Variants in SGSM3 observed in about 807,000 individuals in gnomAD.
SGSM3 encodes small G protein signaling modulator 3.
Under a neutral mutation model 100.5 loss-of-function variants are expected in SGSM3, and 96 were observed. The ratio of observed to expected loss-of-function variants is 0.96; its 90% confidence interval spans 0.81 to 1.13. The LOEUF (loss-of-function observed/expected upper bound fraction) is 1.13, where lower values mean the gene tolerates loss of function less well. SGSM3 is among the 50% of genes most tolerant of loss of function. The probability of loss-of-function intolerance (pLI) is 0.00; values close to 1 mark genes in which losing one functional copy is unlikely to be tolerated. For synonymous variants in SGSM3, 483 were observed against 422.8 expected, an observed-to-expected ratio of 1.14 and a Z score of -1.75; for missense variants, 1,001 against 1,015.8, an observed-to-expected ratio of 0.99 and a Z score of 0.20.
At chr22:40,408,557 C>T (rs1193747275) in intron 16 of SGSM3, 70 bp from the exon 17 acceptor site, 2 of 1,593,992 alleles carry the variant, frequency 1.3e-6, no homozygotes, top group Admixed American at 1.7e-5. Flanking sequence ...GACAGGTGCC[C>T]AGTCGGCCCC....
At chr22:40,376,451 G>T (rs1183018256) in intron 1 of SGSM3, 1 of 151,976 alleles carries the variant, frequency 6.6e-6, no homozygotes, top group Non-Finnish European at 1.5e-5. Flanking sequence ...ACTGCACCCG[G>T]CCTGGCTTTA....
intron 8 of SGSM3, 76 bp downstream of exon 8, chr22:40,405,920 C>G (rs2051426411): frequency 6.7e-7 from 1 of 1,494,074 alleles, no homozygotes; most frequent in East Asian, 2.3e-5. Flanking sequence ...GGGGATAGGG[C>G]ACAGCCCCCC....
In SGSM3 at chr22:40,410,262, T is replaced by C. The variant is rs922917238; in HGVS notation, c.*503T>C. 2 of 801,642 alleles carry C rather than the reference T, an allele frequency of 2.5e-6. No homozygotes were observed. The highest frequency in any genetic ancestry group is 5.9e-5 in the South Asian group (1 of 16,886). 49.7% of individuals were successfully genotyped at this position (801,642 alleles called of 1,614,324 possible). On this transcript the variant is annotated 3_prime_UTR_variant, in exon 22 of 22. Coordinates refer to ENST00000248929, the MANE Select transcript of SGSM3 (RefSeq NM_015705.6). Reference sequence around the variant, plus strand: ...CCAGCTGTGCTACCCACCCCTTCCATGGACTGAATAAGATGGACTAACAGG... The same window carrying C: ...CCAGCTGTGCTACCCACCCCTTCCACGGACTGAATAAGATGGACTAACAGG...
chr22:40,378,122 T>G (rs76682125), intron 1 of SGSM3: 2 of 151,420 alleles, frequency 1.3e-5, no homozygotes, highest in East Asian at 1.9e-4. Flanking sequence ...CTGGGAGGAG[T>G]AATATGGGTT....
intron 4 of SGSM3, among the ~76,000 whole-genome samples, chr22:40,402,969 C>T (rs1351496753): frequency 6.6e-6 from 1 of 152,152 alleles, no homozygotes; most frequent in Non-Finnish European, 1.5e-5. Context: ...AGGTCACTCA[C>T]GTTTCCAATT....
intron 1 of SGSM3, among the ~76,000 whole-genome samples, chr22:40,378,846 C>T (rs992189523): frequency 1.1e-4 from 17 of 152,132 alleles, no homozygotes; most frequent in African/African-American, 3.9e-4. Flanking sequence ...CTGCAGACTC[C>T]GAGACCTAGA....
chr22:40,405,027 T>C (rs2051270852), intron 6 of SGSM3, 114 bp from the exon 7 acceptor site: 1 of 1,383,616 alleles, frequency 7.2e-7, no homozygotes, highest in Non-Finnish European at 9.6e-7. Flanking sequence ...AGGGTGACCT[T>C]GATCAGGAAC....
intron 3 of SGSM3, 104 bp from the exon 4 acceptor site, chr22:40,402,035 G>A: frequency 1.2e-6 from 1 of 868,700 alleles, no homozygotes. Flanking sequence ...TGAGCCCGAA[G>A]GCTGGGTGGG....
intron 1 of SGSM3, chr22:40,376,624 A>G (rs767008393): frequency 6.6e-6 from 1 of 152,148 alleles, no homozygotes; most frequent in Admixed American, 6.5e-5. Flanking sequence ...ATTAACTCAC[A>G]ATCCTCACAT....
intron 1 of SGSM3, among the ~76,000 whole-genome samples, chr22:40,393,055 G>T (rs756391503): frequency 6.6e-6 from 1 of 152,182 alleles, no homozygotes; most frequent in African/African-American, 2.4e-5. Flanking sequence ...CATTGTCTGC[G>T]TAAGCTACAT....
Position 40,410,038 on chromosome 22 carries a change from A to AGGGGATGGGGGTGGCTAGTAGGCTCCT in SGSM3, c.*282_*308dup. On this transcript the variant is annotated 3_prime_UTR_variant, in exon 22 of 22. Transcript: ENST00000248929. ...CCATGTCTGTGCTCAGGAAGAGGGA[A>AGGGGATGGGGGTGGCTAGTAGGCTCCT]GGGGATGGGGGTGGCTAGTAGGCTC... 9.9e-6 allele frequency: 13 copies of AGGGGATGGGGGTGGCTAGTAGGCTCCT among 1,310,944 alleles called. No individual in the cohort carries two copies. The highest frequency in any genetic ancestry group is 1.3e-5 in the Non-Finnish European group (13 of 1,033,884). 81.2% of individuals were successfully genotyped at this position (1,310,944 alleles called of 1,614,324 possible).
chr22:40,408,412 T>G lies in SGSM3; in HGVS notation c.1765T>G (p.Trp589Gly). The G allele has an allele frequency of 6.2e-7, 1 of 1,613,472 alleles. No individual in the cohort carries two copies. The highest frequency in any genetic ancestry group is 8.5e-7 in the Non-Finnish European group (1 of 1,179,972). The change falls in exon 16 of 22, where the codon TGG (tryptophan) becomes GGG (glycine). Residue 589 changes from tryptophan to glycine, a missense_variant. Physicochemically the swap from Trp to Gly is radical, Grantham distance 184. Coordinates refer to ENST00000248929, the MANE Select transcript of SGSM3 (RefSeq NM_015705.6). ...CCTGCTTGGGGGCGCCTGCCACCCC[T>G]GGCTGTTTATCGAGGAGGTAAGTCA... ...PSLLGGACHP[W>G]LFIEEAAGRE...
Position 40,410,086 on chromosome 22 carries a change from A to AAAC in SGSM3, c.*328_*330dup, listed in dbSNP as rs2052403202. On this transcript the variant is annotated 3_prime_UTR_variant, in exon 22 of 22. Coordinates refer to ENST00000248929, the MANE Select transcript of SGSM3 (RefSeq NM_015705.6). ...CTCCTGGCCTCTTTGGTTTATAAAT[A>AAAC]AACTGTGTCTGTCTTTGAGAAAGCA... 8.3e-7 allele frequency: 1 copy of AAAC among 1,208,558 alleles called. No individual in the cohort carries two copies. Among genetic ancestry groups the AAAC allele is most frequent in the African/African-American group, 1.6e-5 (1 of 61,912 alleles). 74.9% of individuals were successfully genotyped at this position (1,208,558 alleles called of 1,614,324 possible).
chr22:40,373,788 G>T (rs1368303206), intron 1 of SGSM3, among the ~76,000 whole-genome samples: 1 of 151,506 alleles, frequency 6.6e-6, no homozygotes, highest in Non-Finnish European at 1.5e-5. Flanking sequence ...GCTAATTTTT[G>T]TATTTTTAGT....
chr22:40,386,896 T>G (rs1418843122), intron 1 of SGSM3, among the ~76,000 whole-genome samples: 1 of 152,206 alleles, frequency 6.6e-6, no homozygotes, highest in Non-Finnish European at 1.5e-5. Context: ...ATGAGAATTC[T>G]CTCCTAATTT....
In SGSM3 at chr22:40,407,070, C is replaced by T. The variant is rs145462749; in HGVS notation, c.1239C>T (p.Phe413=). Residue 413 remains phenylalanine, a splice_region_variant and synonymous_variant, in exon 11 of 22, where the codon TTC becomes TTT. Coordinates refer to ENST00000248929, the MANE Select transcript of SGSM3 (RefSeq NM_015705.6). The surrounding 1 kb of genome is among the most constrained non-coding windows in gnomAD (Gnocchi z 4.7). ...AGTCCACCATCACTGCTCTGCTCTT[C>T]GGTGAGAGCTCTGCGAGTGCCAGGC... The part of the protein sequence containing the change: ...RRKSTITALL[F]GEDDLEALKA... The T allele has an allele frequency of 5.6e-5, 89 of 1,595,206 alleles. 1 individual carries two copies. Among genetic ancestry groups the T allele is most frequent in the South Asian group, 2.9e-4 (26 of 88,528 alleles).
At chr22:40,399,548 A>G (rs1381912757) in intron 1 of SGSM3, among the ~76,000 whole-genome samples, 1 of 152,194 alleles carries the variant, frequency 6.6e-6, no homozygotes, top group African/African-American at 2.4e-5. Flanking sequence ...TCCTAGGCTT[A>G]TTTTCTGTTG....
rs142323976 is a variant in SGSM3 at position 40,406,130 on chromosome 22, G to A, written c.867G>A (p.Val289=). 7.1e-4 allele frequency: 1,153 copies of A among 1,614,146 alleles called. No homozygotes were observed. Among genetic ancestry groups the A allele is most frequent in the Non-Finnish European group, 8.8e-4 (1,042 of 1,180,034 alleles). Reference sequence around the variant, plus strand: ...TCCTCACGGCCTTCGCCAGCGTGGTGGACATCAAGCTGCTCCTGCGCATCT... The same window carrying A: ...TCCTCACGGCCTTCGCCAGCGTGGTAGACATCAAGCTGCTCCTGCGCATCT... The part of the protein sequence containing the change: ...HWFLTAFASV[V]DIKLLLRIWD... The change falls in exon 9 of 22, where the codon GTG becomes GTA. Residue 289 remains valine, a synonymous_variant. Transcript: ENST00000248929.
intron 1 of SGSM3, among the ~76,000 whole-genome samples, chr22:40,380,435 C>G (rs904313938): frequency 1.3e-5 from 2 of 149,484 alleles, no homozygotes; most frequent in African/African-American, 4.9e-5. Context: ...GGCACTATCT[C>G]AGCTCACTGT....
Sources: gnomAD v4.1 joint callset for allele counts (sites outside exome capture counted in the v4.1 genomes callset) on GRCh38, gnomAD v4.1.1 for gene constraint, Gnocchi (gnomAD v3.1) non-coding constraint, MANE v1.5 for transcripts, NCBI Gene and HGNC (gene_info 2026-07-23, HGNC 2026-07-21) for gene names.